Variants in SYNE2 observed in about 807,000 individuals in gnomAD.
The protein encoded by SYNE2 is spectrin repeat containing nuclear envelope protein 2.
A neutral mutation model predicts 856.3 loss-of-function variants in SYNE2; 431 were observed. That is an observed-to-expected ratio of 0.50 (90% confidence interval 0.47 to 0.55). SYNE2 has a LOEUF of 0.55. Ranked by LOEUF, SYNE2 falls within the 20% of genes least tolerant of loss-of-function variation. SYNE2 has a pLI of 0.00. For synonymous variants in SYNE2, 2,923 were observed against 2,872.3 expected (o/e 1.02, Z -0.56); for missense variants, 8,129 against 8,023.2 (o/e 1.01, Z -0.50).
At chr14:63,986,815 A>G (rs1432580305) in intron 19 of SYNE2, among the ~76,000 whole-genome samples, 198 bp downstream of exon 19, 1 of 152,230 alleles carries the variant, frequency 6.6e-6, no homozygotes, top group Non-Finnish European at 1.5e-5. Flanking sequence ...TTAGGAGACC[A>G]CTGATAATAC....
chr14:64,135,065 C>T lies in SYNE2; in HGVS notation c.14646+865C>T, dbSNP rs544787558. Among the ~76,000 whole-genome samples, 3 of 152,258 alleles carry T rather than the reference C, an allele frequency of 2.0e-5. No individual in the cohort carries two copies. The East Asian group carries it at 5.8e-4, about 29-fold the overall frequency. On this transcript the variant is annotated intron_variant, in intron 78 of 115. Transcript: ENST00000555002. ...GCGTTGTTATCATCTGTCTCTGTGT[C>T]TCTAATTTTGGTGCGAAAGAAAAGA...
rs761163756 is a variant in SYNE2, at chr14:64,209,445, G to A, written c.18407G>A (p.Arg6136His). 32 of 1,614,094 alleles carry A rather than the reference G, an allele frequency of 2.0e-5. No individual in the cohort carries two copies. In the Admixed American group the frequency reaches 3.5e-4, roughly 18 times the overall value. Residue 6136 changes from arginine to histidine, a missense_variant, in exon 102 of 116, where the codon CGC (arginine) becomes CAC (histidine). Around this residue, in one of 3 missense-constraint regions of SYNE2, gnomAD observed 5,410 missense variants for 5,284.8 expected, o/e 1.02. Transcript: ENST00000555002. ...ERRMKIEETWRLWQKFLDDYS... is the reference protein window; with the variant it reads ...ERRMKIEETWHLWQKFLDDYS... ...CCCATCAGAATCGAGGAGACGTGGC[G>A]CCTGTGGCAGAAGTTTTTAGACGAC...
At chr14:63,798,795 G>A (rs972569586) in intron 1 of SYNE2, among the ~76,000 whole-genome samples, 3 of 152,240 alleles carry the variant, frequency 2.0e-5, no homozygotes, top group Admixed American at 6.5e-5. Context: ...TAAGAGGTAT[G>A]ATTAGAGCAA....
chr14:64,121,752 C>T (rs2097900684), intron 68 of SYNE2, among the ~76,000 whole-genome samples: 1 of 152,164 alleles, frequency 6.6e-6, no homozygotes, highest in Non-Finnish European at 1.5e-5. Context: ...TGCGACTCTG[C>T]TTTGCCTGTC....
chr14:64,157,493 G>A (rs1267291144), intron 85 of SYNE2, among the ~76,000 whole-genome samples: 1 of 152,166 alleles, frequency 6.6e-6, no homozygotes, highest in Non-Finnish European at 1.5e-5. Flanking sequence ...ATCAGTTGAT[G>A]AACATGTGGG....
intron 2 of SYNE2, among the ~76,000 whole-genome samples, chr14:63,921,277 C>G (rs1011583433): frequency 1.3e-5 from 2 of 151,802 alleles, no homozygotes; most frequent in African/African-American, 4.8e-5. Context: ...TTCGAGATGT[C>G]TATGGAATAA....
At chr14:64,028,794 C>T (rs2097004189) in intron 43 of SYNE2, among the ~76,000 whole-genome samples, 1 of 152,158 alleles carries the variant, frequency 6.6e-6, no homozygotes, top group African/African-American at 2.4e-5. Flanking sequence ...TATCCACCTT[C>T]TTATCAGTGC....
intron 101 of SYNE2, 107 bp downstream of exon 101, chr14:64,209,052 G>T (rs1053020625): frequency 3.6e-6 from 5 of 1,375,502 alleles, no homozygotes; most frequent in East Asian, 2.5e-5. Flanking sequence ...TTAGAAATGC[G>T]CCAGGTATTG....
chr14:64,093,552 T>G, intron 61 of SYNE2, 72 bp downstream of exon 61: 1 of 1,580,644 alleles, frequency 6.3e-7, no homozygotes. Context: ...TTACTAAGCC[T>G]TTGGTGTCTA....
intron 78 of SYNE2, among the ~76,000 whole-genome samples, chr14:64,135,284 T>C (rs1299068320): frequency 6.6e-6 from 1 of 152,204 alleles, no homozygotes. Context: ...ATTTATTGCC[T>C]GAATGAACTA....
At chr14:64,146,483 A>G (rs1372301008) in intron 84 of SYNE2, among the ~76,000 whole-genome samples, 1 of 152,234 alleles carries the variant, frequency 6.6e-6, no homozygotes, top group Non-Finnish European at 1.5e-5. Flanking sequence ...ACTCTTGGGG[A>G]AAAATGTTCA....
At chr14:63,789,723 A>G (rs1170428381) in intron 1 of SYNE2, among the ~76,000 whole-genome samples, 1 of 151,954 alleles carries the variant, frequency 6.6e-6, no homozygotes. Flanking sequence ...GGTTGCAATG[A>G]GCTGAGATCG....
At chr14:63,890,902 GTC>G in intron 1 of SYNE2, among the ~76,000 whole-genome samples, 1 of 152,244 alleles carries the variant, frequency 6.6e-6, no homozygotes, top group East Asian at 1.9e-4. Context: ...CTCTGTTCCT[GTC>G]TCTAGAAAGC....
chr14:64,155,337 A>G lies in SYNE2; in HGVS notation c.15792+2621A>G, dbSNP rs113307089. 6.9e-4 allele frequency among the ~76,000 whole-genome samples: 105 copies of G among 152,308 alleles called. 1 individual carries two copies. Among genetic ancestry groups the G allele is most frequent in the African/African-American group, 2.4e-3 (101 of 41,568 alleles). ...TGATGATCTTGGAAACATTATGGTG[A>G]GTGAAAGACGCCAGTCACAAAAGGT... On this transcript the variant is annotated intron_variant, in intron 85 of 115. Coordinates refer to ENST00000555002, the MANE Select transcript of SYNE2 (RefSeq NM_182914.3).
intron 6 of SYNE2, 47 bp from the exon 7 acceptor site, chr14:63,949,778 G>T: frequency 6.2e-7 from 1 of 1,609,624 alleles, no homozygotes; most frequent in Non-Finnish European, 8.5e-7. Flanking sequence ...GCCCAATGCT[G>T]GTAACTTATG....
intron 31 of SYNE2, among the ~76,000 whole-genome samples, chr14:64,009,011 G>T (rs565667038): frequency 6.6e-6 from 1 of 152,066 alleles, no homozygotes; most frequent in Non-Finnish European, 1.5e-5. Flanking sequence ...GTTTCCTACC[G>T]GAACCTGAGT....
At chr14:63,794,167 A>G (rs1345589952) in intron 1 of SYNE2, among the ~76,000 whole-genome samples, 1 of 152,218 alleles carries the variant, frequency 6.6e-6, no homozygotes, top group Non-Finnish European at 1.5e-5. Flanking sequence ...ATTCAACAAT[A>G]ACTGGAAACT....
chr14:63,838,206 T>C (rs1889926394), intron 1 of SYNE2, among the ~76,000 whole-genome samples: 1 of 152,030 alleles, frequency 6.6e-6, no homozygotes, highest in African/African-American at 2.4e-5. Context: ...CTGTCTCTAC[T>C]AAAAATACAA....
At chr14:63,965,621 C>A (rs1036944062) in intron 10 of SYNE2, among the ~76,000 whole-genome samples, 8 of 152,216 alleles carry the variant, frequency 5.3e-5, no homozygotes, top group African/African-American at 1.9e-4. Context: ...CAGATACTGT[C>A]AGGTACCCCA....
Sources: allele counts gnomAD v4.1 joint callset (sites outside exome capture counted in the v4.1 genomes callset), GRCh38; gene constraint gnomAD v4.1.1; regional missense constraint gnomAD v4.1.1; transcripts MANE v1.5; gene names NCBI Gene and HGNC (gene_info 2026-07-23, HGNC 2026-07-21).